Variants in WWOX observed in about 807,000 individuals in gnomAD.
The protein encoded by WWOX is WW domain containing oxidoreductase, also known as WW domain-containing oxidoreductase.
A neutral mutation model predicts 46.2 loss-of-function variants in WWOX; 69 were observed. That is an observed-to-expected ratio of 1.49 (90% CI 1.23 to 1.82). The LOEUF (loss-of-function observed/expected upper bound fraction) is 1.82, where lower values mean the gene tolerates loss of function less well. Among genes scored for constraint, WWOX ranks in the 40% most tolerant of loss-of-function variants. The probability of loss-of-function intolerance (pLI) is 0.00; values close to 1 mark genes in which losing one functional copy is unlikely to be tolerated. For synonymous variants in WWOX, 359 were observed against 202.6 expected, an observed-to-expected ratio of 1.77 and a Z score of -6.56; for missense variants, 919 against 542.6, an observed-to-expected ratio of 1.69 and a Z score of -6.89.
intron 8 of WWOX, among the ~76,000 whole-genome samples, chr16:78,961,990 C>T (rs2046279843): frequency 1.3e-5 from 2 of 152,234 alleles, no homozygotes; most frequent in South Asian, 2.1e-4. Flanking sequence ...AAACAGATCC[C>T]TTGTCTCTTG....
intron 8 of WWOX, among the ~76,000 whole-genome samples, chr16:79,156,492 A>C (rs1567587402): frequency 6.6e-6 from 1 of 152,230 alleles, no homozygotes; most frequent in Non-Finnish European, 1.5e-5. Flanking sequence ...AGAAAATATT[A>C]CACAGGTGGG....
Position 79,211,863 on chromosome 16 carries a change from C to T in WWOX, c.*67C>T. The T allele has an allele frequency of 6.2e-7, 1 of 1,601,398 alleles. No homozygotes were observed. The highest frequency in any genetic ancestry group is 2.2e-5 in the East Asian group (1 of 44,460). On this transcript the variant is annotated 3_prime_UTR_variant, in exon 9 of 9. Coordinates refer to ENST00000566780, the MANE Select transcript of WWOX (RefSeq NM_016373.4). ...GTGTCCCCTCACGCAAGTGCCAGGG[C>T]TGGGCCCCTTCCAAATGTCCCTCCA...
chr16:78,673,258 A>T (rs2047510055), intron 8 of WWOX, among the ~76,000 whole-genome samples: 1 of 152,198 alleles, frequency 6.6e-6, no homozygotes, highest in Non-Finnish European at 1.5e-5. Context: ...AGTGAAAGGC[A>T]CTGGAGAATG....
chr16:78,652,800 G>T (rs1175607647), intron 8 of WWOX, among the ~76,000 whole-genome samples: 1 of 152,118 alleles, frequency 6.6e-6, no homozygotes, highest in African/African-American at 2.4e-5. Flanking sequence ...ATTAGACTGT[G>T]AATTTATTCA....
chr16:78,639,215 C>T (rs77105165), intron 8 of WWOX, among the ~76,000 whole-genome samples: 19 of 152,220 alleles, frequency 1.2e-4, no homozygotes, highest in Admixed American at 2.6e-4. Context: ...TCTGCATGTG[C>T]GCAAAGTCCT....
chr16:78,654,434 A>G (rs2047035994), intron 8 of WWOX, among the ~76,000 whole-genome samples: 3 of 152,352 alleles, frequency 2.0e-5, no homozygotes, highest in East Asian at 1.9e-4. Flanking sequence ...AATGTTAGCA[A>G]TATAGTAATG....
chr16:78,164,156 T>C (rs747038150), intron 4 of WWOX, 27 bp from the exon 5 acceptor site: 39 of 1,603,122 alleles, frequency 2.4e-5, no homozygotes, highest in Non-Finnish European at 3.3e-5. Context: ...TTATGTTTTC[T>C]AACATTGACT....
At chr16:78,726,815 T>A (rs2048847421) in intron 8 of WWOX, among the ~76,000 whole-genome samples, 1 of 152,110 alleles carries the variant, frequency 6.6e-6, no homozygotes, top group African/African-American at 2.4e-5. Context: ...AGAATAGTTC[T>A]ATGGAAATAG....
intron 8 of WWOX, among the ~76,000 whole-genome samples, chr16:78,934,924 A>T (rs900391946): frequency 1.3e-5 from 2 of 152,278 alleles, no homozygotes; most frequent in Middle Eastern, 3.4e-3. Context: ...ACATGGTGAA[A>T]CCCCATCTCT....
chr16:78,518,910 T>A (rs1251926402), intron 8 of WWOX, among the ~76,000 whole-genome samples: 1 of 152,234 alleles, frequency 6.6e-6, no homozygotes, highest in Non-Finnish European at 1.5e-5. Context: ...ACGGGTGTTA[T>A]GGTTCATAGC....
intron 8 of WWOX, among the ~76,000 whole-genome samples, chr16:78,697,402 G>A (rs925066656): frequency 6.6e-6 from 1 of 152,138 alleles, no homozygotes; most frequent in African/African-American, 2.4e-5. Flanking sequence ...AAACAAATAG[G>A]TGGGACTTAA....
intron 8 of WWOX, among the ~76,000 whole-genome samples, chr16:78,932,717 A>C (rs2045650658): frequency 6.6e-6 from 1 of 152,196 alleles, no homozygotes; most frequent in Non-Finnish European, 1.5e-5. Flanking sequence ...CACATCACAG[A>C]GAGCTGGCCC....
At chr16:78,226,487 TCCC>T (rs1427594000) in intron 5 of WWOX, among the ~76,000 whole-genome samples, 5 of 88,892 alleles carry the variant, frequency 5.6e-5, no homozygotes, top group Admixed American at 1.1e-4. Flanking sequence ...CTGTCTTCCC[TCCC>T]TCCCTCCCTC....
intron 8 of WWOX, among the ~76,000 whole-genome samples, chr16:78,984,692 T>C (rs1413370183): frequency 6.6e-6 from 1 of 152,190 alleles, no homozygotes; most frequent in African/African-American, 2.4e-5. Context: ...CTACCAAAAA[T>C]ATCCTGTGAA....
chr16:78,416,769 G>A (rs1308859826), intron 6 of WWOX, among the ~76,000 whole-genome samples: 4 of 152,368 alleles, frequency 2.6e-5, no homozygotes, highest in East Asian at 1.9e-4. Context: ...GTGGATAAAA[G>A]TGAAGGATAA....
intron 8 of WWOX, among the ~76,000 whole-genome samples, chr16:78,783,242 G>C (rs1207325372): frequency 1.3e-5 from 2 of 152,186 alleles, no homozygotes; most frequent in Admixed American, 6.5e-5. Context: ...TTAGTCATCA[G>C]ACATTTAGAT....
At chr16:78,882,349 A>G (rs1425470226) in intron 8 of WWOX, among the ~76,000 whole-genome samples, 3 of 152,208 alleles carry the variant, frequency 2.0e-5, no homozygotes, top group Non-Finnish European at 4.4e-5. Context: ...CGACTTGCCC[A>G]AAATAGCACA....
chr16:78,862,464 CT>C (rs926508364), intron 8 of WWOX, among the ~76,000 whole-genome samples: 1 of 151,608 alleles, frequency 6.6e-6, no homozygotes, highest in African/African-American at 2.4e-5. Context: ...CAATATAGAT[CT>C]ATAAACACAC....
At chr16:78,601,343 C>G (rs1283778314) in intron 8 of WWOX, among the ~76,000 whole-genome samples, 1 of 151,808 alleles carries the variant, frequency 6.6e-6, no homozygotes, top group Non-Finnish European at 1.5e-5. Context: ...TGGAGAGACA[C>G]TCAGGCTTAG....
Sources: allele counts gnomAD v4.1 joint callset (sites outside exome capture counted in the v4.1 genomes callset), GRCh38; gene constraint gnomAD v4.1.1; transcripts MANE v1.5; gene names NCBI Gene and HGNC (gene_info 2026-07-23, HGNC 2026-07-21).